Variants in MMP16 observed in about 807,000 individuals in gnomAD.
MMP16 encodes the protein matrix metallopeptidase 16.
MMP16 carries 12 observed loss-of-function variants against 67.8 expected under a neutral mutation model. The ratio of observed to expected loss-of-function variants is 0.18; its 90% CI spans 0.11 to 0.29. The LOEUF (loss-of-function observed/expected upper bound fraction) is 0.29. MMP16 is among the 10% of genes least tolerant of loss of function. The pLI is 1.00. For synonymous variants in MMP16, 249 were observed against 255.9 expected (o/e 0.97, Z 0.26); for missense variants, 475 against 765.7 (o/e 0.62, Z 4.48).
At chr8:88,201,518 A>G (rs941946082) in intron 1 of MMP16, among the ~76,000 whole-genome samples, 17 of 152,110 alleles carry the variant, frequency 1.1e-4, no homozygotes, top group African/African-American at 4.1e-4. Flanking sequence ...CATTTACTTG[A>G]TTATGTAAAC....
chr8:88,111,757 C>T (rs1189876548), intron 6 of MMP16, among the ~76,000 whole-genome samples: 1 of 151,654 alleles, frequency 6.6e-6, no homozygotes. Flanking sequence ...CTGGGGGATA[C>T]TACAATAATT....
At chr8:88,103,482 G>A (rs753253923) in intron 6 of MMP16, among the ~76,000 whole-genome samples, 9 of 151,756 alleles carry the variant, frequency 5.9e-5, no homozygotes, top group Non-Finnish European at 7.4e-5. Flanking sequence ...AGTAAGGAAC[G>A]TTGTCATAGA....
At chr8:88,265,223 C>CTTTTTTTTTTTTTTTTTTTGTTTTT (rs1810455984) in intron 1 of MMP16, among the ~76,000 whole-genome samples, 1 of 100,780 alleles carries the variant, frequency 9.9e-6, no homozygotes, top group African/African-American at 4.0e-5. Context: ...TGACCATTTC[C>CTTTTTTTTTTTTTTTTTTTGTTTTT]TTTTTTTTTT....
rs73694234 is a variant in MMP16, at chr8:88,085,534, T to C, written c.1084-10791A>G. The stretch of plus-strand genomic sequence containing the variant: ...GTACATCTCAATAGGTCAAATCACT[T>C]TGGGTACTGCCAGTATTTTTGAAAA... On this transcript the variant is annotated intron_variant, in intron 6 of 9. Coordinates refer to ENST00000286614, the MANE Select transcript of MMP16 (RefSeq NM_005941.5). Among the ~76,000 whole-genome samples, 628 of 152,150 alleles carry C rather than the reference T, an allele frequency of 4.1e-3. 3 individuals carry two copies. The highest frequency in any genetic ancestry group is 0.014 in the African/African-American group (595 of 41,560).
chr8:88,282,883 C>A (rs1810763668), intron 1 of MMP16, among the ~76,000 whole-genome samples: 1 of 152,092 alleles, frequency 6.6e-6, no homozygotes, highest in African/African-American at 2.4e-5. Flanking sequence ...CTTGGTTCCA[C>A]ATATTATTCT....
chr8:88,158,433 T>C (rs968908641), intron 4 of MMP16, among the ~76,000 whole-genome samples: 6 of 152,224 alleles, frequency 3.9e-5, no homozygotes, highest in African/African-American at 1.4e-4. Flanking sequence ...TGATGAGCAC[T>C]TTTTCATGTG....
intron 1 of MMP16, among the ~76,000 whole-genome samples, chr8:88,242,344 G>A (rs920437903): frequency 6.6e-6 from 1 of 152,044 alleles, no homozygotes; most frequent in African/African-American, 2.4e-5. Flanking sequence ...AGAAATTCTA[G>A]GAAAAATTTC....
chr8:88,163,337 C>T (rs747132220), intron 4 of MMP16, among the ~76,000 whole-genome samples: 13 of 152,036 alleles, frequency 8.6e-5, no homozygotes, highest in East Asian at 3.9e-4. Flanking sequence ...TTTAATTTAA[C>T]GGTTTTGATG....
intron 4 of MMP16, among the ~76,000 whole-genome samples, chr8:88,151,815 A>T (rs1466382496): frequency 1.4e-5 from 2 of 142,570 alleles, no homozygotes; most frequent in Non-Finnish European, 3.1e-5. Context: ...TAGAAAAGCA[A>T]GAGCAAACAC....
intron 4 of MMP16, among the ~76,000 whole-genome samples, chr8:88,148,202 T>C (rs1808327072): frequency 6.6e-6 from 1 of 152,152 alleles, no homozygotes; most frequent in Non-Finnish European, 1.5e-5. Flanking sequence ...ACTTGATGTC[T>C]GCTCAATTCT....
At chr8:88,238,170 G>C (rs750392782) in intron 1 of MMP16, among the ~76,000 whole-genome samples, 1 of 152,112 alleles carries the variant, frequency 6.6e-6, no homozygotes, top group African/African-American at 2.4e-5. Context: ...GATCTAGATC[G>C]TCAATGTCAT....
chr8:88,203,177 C>T (rs1809371822), intron 1 of MMP16, among the ~76,000 whole-genome samples: 1 of 145,278 alleles, frequency 6.9e-6, no homozygotes, highest in African/African-American at 2.6e-5. Flanking sequence ...AATCTTGGCT[C>T]ACTTCAACCT....
chr8:88,168,056 A>G, intron 3 of MMP16, 83 bp from the exon 4 acceptor site: 1 of 1,010,670 alleles, frequency 9.9e-7, no homozygotes, highest in Non-Finnish European at 1.4e-6. Context: ...GTTAAGTAAA[A>G]TATTAGAGAA....
intron 4 of MMP16, among the ~76,000 whole-genome samples, chr8:88,142,394 A>T (rs1488484134): frequency 2.0e-5 from 3 of 152,170 alleles, no homozygotes; most frequent in Non-Finnish European, 4.4e-5. Flanking sequence ...TATGAACAAT[A>T]CACAACAATT....
At chr8:88,048,634 A>G (rs1210367681) in intron 8 of MMP16, among the ~76,000 whole-genome samples, 1 of 152,148 alleles carries the variant, frequency 6.6e-6, no homozygotes, top group Non-Finnish European at 1.5e-5. Flanking sequence ...TGTTTGTCTG[A>G]TTTCAAAAGT....
At chr8:88,061,920 T>C (rs529181002) in intron 7 of MMP16, among the ~76,000 whole-genome samples, 1 of 151,172 alleles carries the variant, frequency 6.6e-6, no homozygotes, top group Non-Finnish European at 1.5e-5. Flanking sequence ...CTAGGAAAAA[T>C]GTACTTATAT....
intron 7 of MMP16, among the ~76,000 whole-genome samples, chr8:88,072,756 T>C (rs1808580322): frequency 6.6e-6 from 1 of 152,090 alleles, no homozygotes; most frequent in African/African-American, 2.4e-5. Context: ...CGCAGGAAAA[T>C]ATAAACAAGT....
At chr8:88,294,241 T>C (rs1024563706) in intron 1 of MMP16, among the ~76,000 whole-genome samples, 3 of 150,690 alleles carry the variant, frequency 2.0e-5, no homozygotes, top group Admixed American at 6.6e-5. Context: ...CACACATATA[T>C]ATACACATAT....
intron 4 of MMP16, among the ~76,000 whole-genome samples, chr8:88,145,977 C>G (rs1808283535): frequency 6.6e-6 from 1 of 151,982 alleles, no homozygotes; most frequent in Non-Finnish European, 1.5e-5. Flanking sequence ...TGTTCCAAAA[C>G]ACCAATAGTG....
Sources: gnomAD v4.1 joint callset for allele counts (sites outside exome capture counted in the v4.1 genomes callset) on GRCh38, gnomAD v4.1.1 for gene constraint, MANE v1.5 for transcripts, NCBI Gene and HGNC (gene_info 2026-07-23, HGNC 2026-07-21) for gene names.